ENG: variants seen among roughly 807,000 people sequenced by gnomAD.
ENG encodes the protein CD105 antigen.
Under a neutral mutation model 71.0 loss-of-function variants are expected in ENG, and 17 were observed. That is an observed-to-expected ratio of 0.24 (90% CI 0.16 to 0.36). ENG has a LOEUF of 0.36. Ranked by LOEUF, ENG falls within the 10% of genes least tolerant of loss-of-function variation. The pLI, the probability that ENG is intolerant of heterozygous loss-of-function variation, is 1.00. For missense variants in ENG, 749 were observed against 868.3 expected, an observed-to-expected ratio of 0.86 and a Z score of 1.73; for synonymous variants, 360 against 366.9, an observed-to-expected ratio of 0.98 and a Z score of 0.21.
Position 127,854,413 on chromosome 9 carries a change from C to A in ENG, c.-58G>T. On this transcript the variant is annotated 5_prime_UTR_variant, in exon 1 of 15. Transcript: ENST00000373203. ...TATCCTGTGTCCAGTGGCAGGGCTG[C>A]GGGCGGGCACCGGGGCCGGCGTGGG... The A allele has an allele frequency of 6.6e-7, 1 of 1,523,156 alleles. No individual in the cohort carries two copies. The highest frequency in any genetic ancestry group is 8.9e-7 in the Non-Finnish European group (1 of 1,128,396). The allele number at this position is 1,523,156 out of a possible 1,614,324, so 94.4% of individuals were successfully genotyped here.
chr9:127,830,652 AAAAAAAC>A (rs1205330740), intron 2 of ENG, among the ~76,000 whole-genome samples: 12 of 152,124 alleles, frequency 7.9e-5, no homozygotes, highest in African/African-American at 2.7e-4. Flanking sequence ...CGTCTCAAAA[AAAAAAAC>A]AAAAAACAAA....
chr9:127,834,221 C>A (rs551957051), intron 2 of ENG, among the ~76,000 whole-genome samples: 1 of 151,478 alleles, frequency 6.6e-6, no homozygotes, highest in African/African-American at 2.4e-5. Flanking sequence ...TACAGGCGTG[C>A]GCCACCATGC....
At chr9:127,848,492 C>T (rs1212440779) in intron 1 of ENG, among the ~76,000 whole-genome samples, 5 of 152,138 alleles carry the variant, frequency 3.3e-5, no homozygotes, top group Admixed American at 2.6e-4. Context: ...CTATGTTGCC[C>T]AGGCTGGTCT....
chr9:127,819,404 A>C (rs1342642974), intron 10 of ENG: 2 of 608,736 alleles, frequency 3.3e-6, no homozygotes, highest in Non-Finnish European at 5.7e-6. Flanking sequence ...GCCCAAGGCC[A>C]CACAGCCAGT....
At chr9:127,816,567 C>T (rs549613608) in intron 13 of ENG, 338 of 247,600 alleles carry the variant, frequency 1.4e-3, no homozygotes, top group Non-Finnish European at 2.2e-3. Flanking sequence ...CTCTGACATC[C>T]GATTCTGTGT....
In ENG at chr9:127,825,846, A is replaced by T; in HGVS notation, c.538T>A (p.Ser180Thr). ...LRLGQAQGSLSFCMLEASQDM... is the reference protein window; with the variant it reads ...LRLGQAQGSLTFCMLEASQDM... ...TGGCTGGCTTCCAGCATGCAGAAGG[A>T]CAGTGACCCCTGGGCTGCAGAGACA... Residue 180 changes from serine to threonine, a missense_variant, in exon 5 of 15, where the codon TCC (serine) becomes ACC (threonine). Coordinates refer to ENST00000373203, the MANE Select transcript of ENG (RefSeq NM_001114753.3). 1 of 1,594,700 alleles carries T rather than the reference A, an allele frequency of 6.3e-7. No individual in the cohort carries two copies. The highest frequency in any genetic ancestry group is 8.5e-7 in the Non-Finnish European group (1 of 1,171,172).
intron 2 of ENG, 91 bp downstream of exon 2, chr9:127,843,003 C>T (rs550062692): frequency 1.3e-6 from 2 of 1,597,918 alleles, no homozygotes; most frequent in African/African-American, 2.7e-5. Flanking sequence ...CAGCCACTGC[C>T]CCAGGGACAG....
At chr9:127,840,299 T>G (rs1173128105) in intron 2 of ENG, among the ~76,000 whole-genome samples, 2 of 152,206 alleles carry the variant, frequency 1.3e-5, no homozygotes, top group Admixed American at 6.5e-5. Flanking sequence ...ACTCACACGT[T>G]CAAGAGTTAC....
chr9:127,845,762 A>C (rs1210036807), intron 1 of ENG, among the ~76,000 whole-genome samples: 1 of 152,206 alleles, frequency 6.6e-6, no homozygotes, highest in Non-Finnish European at 1.5e-5. Flanking sequence ...GCTGGAGTGC[A>C]GTGGTGTGAT....
intron 2 of ENG, among the ~76,000 whole-genome samples, chr9:127,832,460 AG>A (rs1276117322): frequency 6.6e-6 from 1 of 152,040 alleles, no homozygotes; most frequent in Non-Finnish European, 1.5e-5. Context: ...GAAGTCAGCC[AG>A]GGGCTGGGAT....
rs1464366660 is a variant in ENG at position 127,838,320 on chromosome 9, C to A, written c.219+4774G>T. 6.6e-6 allele frequency among the ~76,000 whole-genome samples: 1 copy of A among 152,208 alleles called. No homozygotes were observed. Among genetic ancestry groups the A allele is most frequent in the African/African-American group, 2.4e-5 (1 of 41,444 alleles). Reference sequence around the variant, plus strand: ...CATCCCTTTGGCCCCACAGAGTCCCCACCCTGGGAGAGGGCTGCCATTGGC... The same window carrying A: ...CATCCCTTTGGCCCCACAGAGTCCCAACCCTGGGAGAGGGCTGCCATTGGC... On this transcript the variant is annotated intron_variant, in intron 2 of 14. Transcript: ENST00000373203. This position sits in a 1 kb window ranked among gnomAD's most constrained non-coding sequence, Gnocchi z 4.3.
In ENG at chr9:127,854,646, A is replaced by C. The variant is rs1057468665; in HGVS notation, c.-291T>G. On this transcript the variant is annotated 5_prime_UTR_variant, in exon 1 of 15. Coordinates refer to ENST00000373203, the MANE Select transcript of ENG (RefSeq NM_001114753.3). ...CAGTCCTGGCCCCAGGGCGCAGATG[A>C]AGGCTGTGGTATGACCGGCAGCAGG... 1.2e-5 allele frequency: 6 copies of C among 499,486 alleles called. No individual in the cohort carries two copies. Among genetic ancestry groups the C allele is most frequent in the African/African-American group, 8.1e-5 (4 of 49,414 alleles). 30.9% of individuals were successfully genotyped at this position (499,486 alleles called of 1,614,324 possible).
chr9:127,818,241 G>A lies in ENG; in HGVS notation c.1565C>T (p.Pro522Leu), dbSNP rs929266862. Residue 522 changes from proline (P) to leucine (L), a missense_variant, in exon 12 of 15, where the codon CCA becomes CTA. Transcript: ENST00000373203. ...AKGNCVSLLS[P>L]SPEGDPRFSF... ...GAAGCGCGGGTCACCCTCGGGGCTT[G>A]GGGACAGCAGGCTCACACAGTTGCC... The A allele has an allele frequency of 6.2e-7, 1 of 1,614,204 alleles. No individual in the cohort carries two copies. The highest frequency in any genetic ancestry group is 1.6e-4 in the Middle Eastern group (1 of 6,062).
At chr9:127,816,855 G>A (rs1830331887) in intron 13 of ENG, 3 of 513,430 alleles carry the variant, frequency 5.8e-6, no homozygotes, top group Non-Finnish European at 1.1e-5. Context: ...CTCCCAGCAA[G>A]GTCAGCCAAT....
chr9:127,817,490 T>C, intron 12 of ENG: 5 of 512,578 alleles, frequency 9.8e-6, no homozygotes, highest in South Asian at 6.0e-5. Flanking sequence ...GTGAACACTT[T>C]GGAGCTATGA....
chr9:127,844,571 A>G (rs1831126840), intron 1 of ENG, among the ~76,000 whole-genome samples: 1 of 152,106 alleles, frequency 6.6e-6, no homozygotes, highest in Non-Finnish European at 1.5e-5. Flanking sequence ...CTGGAACTAT[A>G]GGCATGCACC....
Position 127,815,453 on chromosome 9 carries a change from C to T in ENG, c.*229G>A. On this transcript the variant is annotated 3_prime_UTR_variant, in exon 15 of 15. Coordinates refer to ENST00000373203, the MANE Select transcript of ENG (RefSeq NM_001114753.3). ...TGGTCTGTCTCCTGGGCAGCCATAT[C>T]CCAGACCCACTGGGTTGAAGGTTCT... 1.2e-6 allele frequency: 1 copy of T among 809,374 alleles called. No individual in the cohort carries two copies. Among genetic ancestry groups the T allele is most frequent in the Non-Finnish European group, 1.9e-6 (1 of 536,172 alleles). The allele number at this position is 809,374 out of a possible 1,614,324, so 50.1% of individuals were successfully genotyped here. A position where few individuals can be genotyped will look rare whatever the true frequency, so the allele number is the denominator to read the frequency against.
chr9:127,852,552 G>T (rs1465539061), intron 1 of ENG, among the ~76,000 whole-genome samples: 1 of 152,160 alleles, frequency 6.6e-6, no homozygotes, highest in Non-Finnish European at 1.5e-5. Context: ...GTTTCCAGGA[G>T]TTTTTCCAAC....
intron 1 of ENG, among the ~76,000 whole-genome samples, chr9:127,845,124 T>C (rs976226393): frequency 2.6e-5 from 4 of 152,226 alleles, no homozygotes; most frequent in African/African-American, 9.6e-5. Flanking sequence ...TGGAAGTTTG[T>C]GTCTCCATCT....
Sources: gnomAD v4.1 joint callset for allele counts (sites outside exome capture counted in the v4.1 genomes callset) on GRCh38, gnomAD v4.1.1 for gene constraint, Gnocchi (gnomAD v3.1) non-coding constraint, MANE v1.5 for transcripts, NCBI Gene and HGNC (gene_info 2026-07-23, HGNC 2026-07-21) for gene names.